Variants in RHOBTB1 observed in about 807,000 individuals in gnomAD.
The protein encoded by RHOBTB1 is rho-related BTB domain-containing protein 1.
A neutral mutation model predicts 71.6 loss-of-function variants in RHOBTB1; 40 were observed. The ratio of observed to expected loss-of-function variants is 0.56; its 90% CI spans 0.43 to 0.73. The LOEUF (loss-of-function observed/expected upper bound fraction) is 0.73, where lower values mean the gene tolerates loss of function less well. RHOBTB1 is among the 30% of genes least tolerant of loss of function. The probability of loss-of-function intolerance (pLI) is 0.00; values close to 1 mark genes in which losing one functional copy is unlikely to be tolerated. For missense variants in RHOBTB1, 797 were observed against 894.0 expected, an observed-to-expected ratio of 0.89 and a Z score of 1.38; for synonymous variants, 319 against 334.9, an observed-to-expected ratio of 0.95 and a Z score of 0.52.
At chr10:60,925,294 T>C (rs964281801) in intron 2 of RHOBTB1, among the ~76,000 whole-genome samples, 19 of 152,180 alleles carry the variant, frequency 1.2e-4, no homozygotes, top group Non-Finnish European at 2.1e-4. Context: ...TATTTCTTTA[T>C]AGCAATGCAA....
intron 10 of RHOBTB1, chr10:60,871,923 A>G: frequency 1.7e-6 from 1 of 602,738 alleles, no homozygotes; most frequent in Non-Finnish European, 2.9e-6. Context: ...AAACAAGGGG[A>G]AGGCCACCAC....
chr10:60,946,432 G>C (rs1011380832), upstream of RHOBTB1, among the ~76,000 whole-genome samples: 4 of 152,140 alleles, frequency 2.6e-5, no homozygotes, highest in South Asian at 8.3e-4. Context: ...ATGTGGGGGG[G>C]CACAGGGCTG....
chr10:60,874,543 T>G (rs2080950422), intron 9 of RHOBTB1, among the ~76,000 whole-genome samples: 1 of 152,168 alleles, frequency 6.6e-6, no homozygotes, highest in Non-Finnish European at 1.5e-5. Flanking sequence ...ACTTCTGACT[T>G]TAGAAAACTC....
intron 2 of RHOBTB1, among the ~76,000 whole-genome samples, chr10:60,912,023 GA>G (rs2083001447): frequency 6.6e-6 from 1 of 152,092 alleles, no homozygotes; most frequent in Non-Finnish European, 1.5e-5. Context: ...ATCTGTTGTT[GA>G]AAAGCAGTTT....
At chr10:60,887,027 T>C (rs971376249) in intron 6 of RHOBTB1, among the ~76,000 whole-genome samples, 1 of 151,940 alleles carries the variant, frequency 6.6e-6, no homozygotes, top group Non-Finnish European at 1.5e-5. Context: ...CACTATATTG[T>C]TCATATTCAA....
chr10:60,956,113 A>T (rs1347776219), intron 2 of RHOBTB1, among the ~76,000 whole-genome samples: 2 of 152,182 alleles, frequency 1.3e-5, no homozygotes, highest in African/African-American at 4.8e-5. Flanking sequence ...ATAGCCTACT[A>T]CACACCTAGG....
At chr10:60,921,256 C>T (rs975884900) in intron 2 of RHOBTB1, among the ~76,000 whole-genome samples, 3 of 152,086 alleles carry the variant, frequency 2.0e-5, no homozygotes, top group Admixed American at 6.5e-5. Flanking sequence ...TCCTGATTTG[C>T]TCTTTAAAGG....
At chr10:60,908,162 CTCCTCA>C (rs1393536314) in intron 4 of RHOBTB1, among the ~76,000 whole-genome samples, 14 of 152,318 alleles carry the variant, frequency 9.2e-5, no homozygotes, top group Admixed American at 9.1e-4. Context: ...CCACTGACAA[CTCCTCA>C]TCCCACAGAA....
rs3763742 is a variant in RHOBTB1, at chr10:60,870,857, T to C, written c.*625A>G. 0.14 allele frequency: 21,747 copies of C among 152,676 alleles called. 1,786 individuals carry two copies. The highest frequency in any genetic ancestry group is 0.21 in the African/African-American group (8,830 of 41,524). 9.5% of individuals were successfully genotyped at this position (152,676 alleles called of 1,614,324 possible). ...ACCATATAATTACCAGCACTTAACATGGCAAATATTGTAAATACACATTCT... is the reference window on the plus strand; with the variant it reads ...ACCATATAATTACCAGCACTTAACACGGCAAATATTGTAAATACACATTCT... On this transcript the variant is annotated 3_prime_UTR_variant, in exon 11 of 11. Coordinates refer to ENST00000337910, the MANE Select transcript of RHOBTB1 (RefSeq NM_014836.5).
the RHOBTB1 span, among the ~76,000 whole-genome samples, chr10:60,861,331 C>G: frequency 6.6e-6 from 1 of 152,154 alleles, no homozygotes; most frequent in African/African-American, 2.4e-5. Context: ...TGGAATTTCT[C>G]TAGGGCCAGG....
chr10:60,886,581 G>T (rs1226098969), intron 6 of RHOBTB1, among the ~76,000 whole-genome samples: 2 of 152,032 alleles, frequency 1.3e-5, no homozygotes, highest in Non-Finnish European at 2.9e-5. Context: ...TTAACATTTT[G>T]GCATGTTTGT....
At chr10:60,917,706 G>A (rs1341778789) in intron 2 of RHOBTB1, among the ~76,000 whole-genome samples, 1 of 152,138 alleles carries the variant, frequency 6.6e-6, no homozygotes, top group African/African-American at 2.4e-5. Context: ...CACATTGGGG[G>A]TTAGGGCTTC....
chr10:60,907,662 T>G (rs577393714), intron 4 of RHOBTB1, among the ~76,000 whole-genome samples: 14 of 152,322 alleles, frequency 9.2e-5, no homozygotes, highest in African/African-American at 3.4e-4. Context: ...TTTTTTTGGA[T>G]AGATGGATGA....
At chr10:60,971,101 A>T (rs1262689102) in intron 2 of RHOBTB1, among the ~76,000 whole-genome samples, 2 of 152,090 alleles carry the variant, frequency 1.3e-5, no homozygotes, top group Non-Finnish European at 2.9e-5. Flanking sequence ...ATTAATAATA[A>T]TAACATGAGC....
intron 2 of RHOBTB1, among the ~76,000 whole-genome samples, chr10:60,962,688 T>G (rs557918344): frequency 6.6e-6 from 1 of 152,172 alleles, no homozygotes; most frequent in East Asian, 1.9e-4. Context: ...GGTAAAGTCT[T>G]AAAACAATTT....
At chr10:61,001,241 A>G (rs1043144035) in intron 1 of RHOBTB1, among the ~76,000 whole-genome samples, 4 of 152,116 alleles carry the variant, frequency 2.6e-5, no homozygotes, top group Non-Finnish European at 5.9e-5. Flanking sequence ...CCCTCCTTTC[A>G]AGGGTGCAAA....
chr10:60,891,155 G>GA (rs1056375083), intron 5 of RHOBTB1, among the ~76,000 whole-genome samples: 2 of 152,032 alleles, frequency 1.3e-5, no homozygotes, highest in African/African-American at 4.8e-5. Flanking sequence ...TGTGAAAACT[G>GA]AATATAAAGT....
chr10:61,000,286 C>G (rs1232157844), intron 1 of RHOBTB1, among the ~76,000 whole-genome samples: 1 of 152,088 alleles, frequency 6.6e-6, no homozygotes, highest in African/African-American at 2.4e-5. Context: ...ATACCTACTT[C>G]TTCTCACCAG....
Position 60,878,034 on chromosome 10 carries a change from T to C in RHOBTB1, c.1600A>G (p.Ile534Val), listed in dbSNP as rs2081125599. ...TAATCCAATACTGCTTGCATTGATA[T>C]CTTGTTTATGTTCGGGAGATACACC... Reference protein sequence around the residue: ...SEVYLPNINKISMQAVLDYLY... With the variant: ...SEVYLPNINKVSMQAVLDYLY... Residue 534 changes from isoleucine to valine, a missense_variant, in exon 8 of 11, where the codon ATA (isoleucine) becomes GTA (valine). This residue lies in a region of RHOBTB1 where 658 missense variants were observed against 681.5 expected (regional missense o/e 0.97). Transcript: ENST00000337910. 3.1e-6 allele frequency: 5 copies of C among 1,612,356 alleles called. No homozygotes were observed. Among genetic ancestry groups the C allele is most frequent in the Non-Finnish European group, 3.4e-6 (4 of 1,179,360 alleles).
Sources: gnomAD v4.1 joint callset for allele counts (sites outside exome capture counted in the v4.1 genomes callset) on GRCh38, gnomAD v4.1.1 for gene constraint, gnomAD v4.1.1 regional missense constraint, MANE v1.5 for transcripts, NCBI Gene and HGNC (gene_info 2026-07-23, HGNC 2026-07-21) for gene names.